Variants in NOS1 observed in about 807,000 individuals in gnomAD.
NOS1 encodes nitric oxide synthase 1.
A neutral mutation model predicts 164.5 loss-of-function variants in NOS1; 51 were observed. The observed-to-expected ratio is 0.31, with a 90% CI of 0.25 to 0.39. The LOEUF is 0.39. Ranked by LOEUF, NOS1 falls within the 10% of genes least tolerant of loss-of-function variation. The pLI, the probability that NOS1 is intolerant of heterozygous loss-of-function variation, is 1.00. For missense variants in NOS1, 1,362 were observed against 1,885.6 expected (o/e 0.72, Z 5.14); for synonymous variants, 719 against 745.8 (o/e 0.96, Z 0.59).
intron 28 of NOS1, among the ~76,000 whole-genome samples, chr12:117,217,253 G>A (rs746662357): frequency 1.6e-4 from 25 of 152,078 alleles, no homozygotes; most frequent in Non-Finnish European, 2.9e-4. Flanking sequence ...AAAACTGAGC[G>A]CCAGACCTCC....
Position 117,211,325 on chromosome 12 carries a change from T to G in NOS1, c.*3984A>C. The G allele has an allele frequency of 1.0e-6, 1 of 985,408 alleles. No homozygotes were observed. Among genetic ancestry groups the G allele is most frequent in the African/African-American group, 1.7e-5 (1 of 57,338 alleles). 61.0% of individuals were successfully genotyped at this position (985,408 alleles called of 1,614,324 possible). ...TGGATGGGGTGCCAGGTACGCTGAT[T>G]CAGTTCCTGGAGTCTCTTTATCACT... On this transcript the variant is annotated 3_prime_UTR_variant, in exon 29 of 29. Coordinates refer to ENST00000317775, the MANE Select transcript of NOS1 (RefSeq NM_000620.5).
Position 117,331,504 on chromosome 12 carries a change from C to T in NOS1, c.-420-15G>A, listed in dbSNP as rs1875546001. On this transcript the variant is annotated splice_polypyrimidine_tract_variant and intron_variant, in intron 1 of 28. Transcript: ENST00000317775. ...GGCATCATGAGCTGAAGAGGAAGAACAGGAGGGGATGAAAAGAATTTAAAA... is the reference window on the plus strand; with the variant it reads ...GGCATCATGAGCTGAAGAGGAAGAATAGGAGGGGATGAAAAGAATTTAAAA... 6.2e-6 allele frequency: 1 copy of T among 161,284 alleles called. No individual in the cohort carries two copies. The allele number at this position is 161,284 out of a possible 1,614,324, so 10.0% of individuals were successfully genotyped here. A position where few individuals can be genotyped will look rare whatever the true frequency, so the allele number is the denominator to read the frequency against.
intron 2 of NOS1, among the ~76,000 whole-genome samples, chr12:117,319,974 G>A (rs1027009961): frequency 6.6e-6 from 1 of 152,198 alleles, no homozygotes; most frequent in Non-Finnish European, 1.5e-5. Flanking sequence ...GAAGTCAAAG[G>A]GCTTTCCTAA....
chr12:117,215,393 C>A, intron 28 of NOS1, 69 bp from the exon 29 acceptor site: 1 of 1,434,156 alleles, frequency 7.0e-7, no homozygotes. Flanking sequence ...CTGAGTGCCC[C>A]AGAGAAAATC....
At chr12:117,288,035 T>A (rs1872816808) in intron 5 of NOS1, 39 bp downstream of exon 5, 1 of 1,611,486 alleles carries the variant, frequency 6.2e-7, no homozygotes, top group Admixed American at 1.7e-5. Flanking sequence ...CAGCATTCGA[T>A]AACTTACCTC....
intron 9 of NOS1, among the ~76,000 whole-genome samples, chr12:117,274,054 G>A (rs1872984949): frequency 6.6e-6 from 1 of 152,152 alleles, no homozygotes; most frequent in African/African-American, 2.4e-5. Context: ...GAAAATATCT[G>A]AAAACTATTC....
chr12:117,263,879 C>T lies in NOS1; in HGVS notation c.2222+10G>A, dbSNP rs147367060. 20 of 1,612,348 alleles carry T rather than the reference C, an allele frequency of 1.2e-5. No homozygotes were observed. Among genetic ancestry groups the T allele is most frequent in the African/African-American group, 2.7e-5 (2 of 74,960 alleles). On this transcript the variant is annotated intron_variant, in intron 13 of 28. Coordinates refer to ENST00000317775, the MANE Select transcript of NOS1 (RefSeq NM_000620.5). ...ACATCCACCCCACCCGCCCACTGCA[C>T]GAAACTTACTCTGCTAGCTTCTTGA...
chr12:117,239,396 G>A (rs185456099), intron 20 of NOS1, among the ~76,000 whole-genome samples: 134 of 152,314 alleles, frequency 8.8e-4, no homozygotes, highest in African/African-American at 2.8e-3. Flanking sequence ...AGAACTTAGT[G>A]TCTACACCCC....
At chr12:117,226,643 A>G (rs1020467437) in intron 24 of NOS1, 40 bp downstream of exon 24, 1 of 1,585,748 alleles carries the variant, frequency 6.3e-7, no homozygotes, top group Non-Finnish European at 8.7e-7. Flanking sequence ...CAATATGCAG[A>G]TTTGAGATGA....
chr12:117,214,599 C>A lies in NOS1; in HGVS notation c.*710G>T, dbSNP rs756715422. The A allele has an allele frequency of 1.3e-4, 125 of 985,212 alleles. No individual in the cohort carries two copies. Among genetic ancestry groups the A allele is most frequent in the Non-Finnish European group, 1.2e-4 (97 of 829,946 alleles). The allele number at this position is 985,212 out of a possible 1,614,324, so 61.0% of individuals were successfully genotyped here. On this transcript the variant is annotated 3_prime_UTR_variant, in exon 29 of 29. Transcript: ENST00000317775. ...AATGCCTCTTTCATTGGGAGACAGC[C>A]CCTTTAATCAATTTCCCACTCCTCT...
intron 13 of NOS1, among the ~76,000 whole-genome samples, chr12:117,261,773 T>C (rs1200419629): frequency 6.6e-6 from 1 of 152,066 alleles, no homozygotes; most frequent in African/African-American, 2.4e-5. Context: ...GTCAACAGAG[T>C]GAGACTTTGT....
At chr12:117,321,115 T>C (rs971089530) in intron 2 of NOS1, among the ~76,000 whole-genome samples, 1 of 152,182 alleles carries the variant, frequency 6.6e-6, no homozygotes, top group African/African-American at 2.4e-5. Context: ...GTTCAAGCGA[T>C]TCTCCTGCCT....
At chr12:117,216,519 C>G (rs1956614051) in intron 28 of NOS1, among the ~76,000 whole-genome samples, 1 of 151,650 alleles carries the variant, frequency 6.6e-6, no homozygotes, top group Non-Finnish European at 1.5e-5. Context: ...GCTCTGTTGC[C>G]TAGGCTGGGG....
chr12:117,213,154 C>T lies in NOS1; in HGVS notation c.*2155G>A, dbSNP rs1956553744. 1 of 985,326 alleles carries T rather than the reference C, an allele frequency of 1.0e-6. No homozygotes were observed. The highest frequency in any genetic ancestry group is 1.7e-5 in the African/African-American group (1 of 57,240). The allele number at this position is 985,326 out of a possible 1,614,324, so 61.0% of individuals were successfully genotyped here. On this transcript the variant is annotated 3_prime_UTR_variant, in exon 29 of 29. Coordinates refer to ENST00000317775, the MANE Select transcript of NOS1 (RefSeq NM_000620.5). ...ATTCCCTGATGGAAAAGCATTCCTG[C>T]ATAAAGCTTGACTTGGAGTGGGAAG...
chr12:117,330,542 G>T lies in NOS1; in HGVS notation c.528C>A (p.Asn176Lys). Reference sequence around the variant, plus strand: ...GGCCTGGGGGCCTGGGGGCCAGGCCGTTGGCATGGGGGAGTGAGCCAGCCT... The same window carrying T: ...GGCCTGGGGGCCTGGGGGCCAGGCCTTTGGCATGGGGGAGTGAGCCAGCCT... ...GQEAGSLPHA[N>K]GLAPRPPGQD... Residue 176 changes from asparagine (N) to lysine (K), a missense_variant, in exon 2 of 29, where the codon AAC becomes AAA. By Grantham distance (94) the Asn-to-Lys change is moderately conservative (BLOSUM62 0). Transcript: ENST00000317775. This position sits in a 1 kb window ranked among gnomAD's most constrained non-coding sequence, Gnocchi z 4.6. 6.2e-7 allele frequency: 1 copy of T among 1,613,824 alleles called. No individual in the cohort carries two copies. The highest frequency in any genetic ancestry group is 8.5e-7 in the Non-Finnish European group (1 of 1,180,014).
chr12:117,318,809 T>C (rs1330883701), intron 2 of NOS1, among the ~76,000 whole-genome samples: 2 of 152,216 alleles, frequency 1.3e-5, no homozygotes, highest in African/African-American at 2.4e-5. Flanking sequence ...GAGCAGCTGG[T>C]GCTGGCAGGA....
At chr12:117,306,831 G>A (rs544685708) in intron 3 of NOS1, among the ~76,000 whole-genome samples, 2 of 152,276 alleles carry the variant, frequency 1.3e-5, no homozygotes, top group South Asian at 4.1e-4. Context: ...TGTTGGCCAG[G>A]CTGGTCTCAA....
intron 20 of NOS1, among the ~76,000 whole-genome samples, chr12:117,241,026 G>A (rs1429663500): frequency 2.0e-5 from 3 of 148,520 alleles, no homozygotes; most frequent in Non-Finnish European, 4.4e-5. Flanking sequence ...TGCAGCCTCC[G>A]CCTCCTGGGT....
intron 5 of NOS1, 50 bp from the exon 6 acceptor site, chr12:117,286,316 G>A: frequency 6.3e-7 from 1 of 1,588,730 alleles, no homozygotes; most frequent in Non-Finnish European, 8.6e-7. Context: ...TTCTGAATTA[G>A]AAGTTAGTGG....
Sources: gnomAD v4.1 joint callset for allele counts (sites outside exome capture counted in the v4.1 genomes callset) on GRCh38, gnomAD v4.1.1 for gene constraint, Gnocchi (gnomAD v3.1) non-coding constraint, MANE v1.5 for transcripts, NCBI Gene and HGNC (gene_info 2026-07-23, HGNC 2026-07-21) for gene names.